PSMC3: variants seen among roughly 807,000 people sequenced by gnomAD.
PSMC3 encodes 26S proteasome regulatory subunit 6A.
PSMC3 carries 11 observed loss-of-function variants against 52.0 expected under a neutral mutation model. The ratio of observed to expected loss-of-function variants is 0.21; its 90% CI spans 0.13 to 0.35. PSMC3 has a LOEUF of 0.35. Ranked by LOEUF, PSMC3 falls within the 10% of genes least tolerant of loss-of-function variation. PSMC3 has a pLI of 1.00. For missense variants in PSMC3, 238 were observed against 567.1 expected, an observed-to-expected ratio of 0.42 and a Z score of 5.89; for synonymous variants, 201 against 218.8, an observed-to-expected ratio of 0.92 and a Z score of 0.72.
intron 2 of PSMC3, 181 bp downstream of exon 2, chr11:47,425,686 C>CCT: frequency 1.7e-6 from 1 of 588,200 alleles, no homozygotes; most frequent in South Asian, 2.3e-5. Context: ...CCCACCACCC[C>CCT]CTACCTGTCT....
rs748962337 is a variant in PSMC3 at position 47,424,102 on chromosome 11, C to T, written c.535G>A (p.Glu179Lys). The change falls in exon 6 of 12, where the codon GAG becomes AAG. Residue 179 changes from glutamate to lysine, a missense_variant. By Grantham distance (56) the Glu-to-Lys change is moderately conservative. Around this residue, in one of 6 missense-constraint regions of PSMC3, gnomAD observed 60 missense variants for 117.3 expected, o/e 0.51. Transcript: ENST00000298852. This position sits in a 1 kb window ranked among gnomAD's most constrained non-coding sequence, Gnocchi z 4.8. The stretch of plus-strand genomic sequence containing the variant: ...TCACTGTATTGCTCCGTGGGCCTCT[C>T]GTCTACCTCCATGGCCTTCACCCGC... ...DSRVKAMEVD[E>K]RPTEQYSDIG... is the part of the protein sequence containing the mutation. The T allele has an allele frequency of 1.2e-6, 2 of 1,614,186 alleles. No homozygotes were observed. Among genetic ancestry groups the T allele is most frequent in the Non-Finnish European group, 1.7e-6 (2 of 1,180,040 alleles).
Position 47,424,773 on chromosome 11 carries a change from T to C in PSMC3, c.286-62A>G, listed in dbSNP as rs2096044511. 7.2e-7 allele frequency: 1 copy of C among 1,398,048 alleles called. No homozygotes were observed. The highest frequency in any genetic ancestry group is 1.8e-4 in the Middle Eastern group (1 of 5,414). 86.6% of individuals were successfully genotyped at this position (1,398,048 alleles called of 1,614,324 possible). ...CAAGGCCCAGTGCTTCCTAAGACAG[T>C]TCCTAATACCTGCAGGGCTGGCCAT... On this transcript the variant is annotated intron_variant, in intron 3 of 11. Coordinates refer to ENST00000298852, the MANE Select transcript of PSMC3 (RefSeq NM_002804.5). The surrounding 1 kb of genome is among the most constrained non-coding windows in gnomAD (Gnocchi z 4.8).
chr11:47,424,420 C>T lies in PSMC3; in HGVS notation c.453+9G>A. On this transcript the variant is annotated intron_variant, in intron 5 of 11. Transcript: ENST00000298852. The surrounding 1 kb of genome is among the most constrained non-coding windows in gnomAD (Gnocchi z 4.8). ...AGAAAAGCACTGCCTGGGCTCAGGC[C>T]CCACTCACCACCAGGTCTCCTGGCT... is the stretch of plus-strand genomic sequence containing the variant. 6.2e-7 allele frequency: 1 copy of T among 1,613,884 alleles called. No individual in the cohort carries two copies. The highest frequency in any genetic ancestry group is 8.5e-7 in the Non-Finnish European group (1 of 1,179,764).
chr11:47,423,421 G>C (rs1447342218), intron 6 of PSMC3, among the ~76,000 whole-genome samples: 1 of 151,278 alleles, frequency 6.6e-6, no homozygotes, highest in Non-Finnish European at 1.5e-5. Context: ...AAAAAAAAGA[G>C]GACACAGAAC....
In PSMC3 at chr11:47,419,205, C is replaced by G; in HGVS notation, c.1128-8G>C. On this transcript the variant is annotated splice_polypyrimidine_tract_variant and splice_region_variant and intron_variant, in intron 10 of 11. Transcript: ENST00000298852. ...TCGTAGTTCACGTCAGGACTGGGGA[C>G]AGGACAGATACCACAGGCTCAGTGG... The G allele has an allele frequency of 6.2e-7, 1 of 1,614,046 alleles. No individual in the cohort carries two copies. The highest frequency in any genetic ancestry group is 8.5e-7 in the Non-Finnish European group (1 of 1,179,966).
rs969291404 is a variant in PSMC3 at position 47,422,366 on chromosome 11, T to G, written c.884+208A>C. 2.6e-5 allele frequency among the ~76,000 whole-genome samples: 4 copies of G among 152,122 alleles called. No individual in the cohort carries two copies. Reference sequence around the variant, plus strand: ...CCAGATTCCTGTTTTGAAAGGAACATGCTGGCAGCTGTGGGAATGAATGGC... The same window carrying G: ...CCAGATTCCTGTTTTGAAAGGAACAGGCTGGCAGCTGTGGGAATGAATGGC... On this transcript the variant is annotated intron_variant, in intron 8 of 11. Transcript: ENST00000298852. The surrounding 1 kb of genome is among the most constrained non-coding windows in gnomAD (Gnocchi z 4.3).
In PSMC3 at chr11:47,426,330, G is replaced by A; in HGVS notation, c.-51C>T. The A allele has an allele frequency of 7.0e-7, 1 of 1,437,586 alleles. No homozygotes were observed. The highest frequency in any genetic ancestry group is 9.5e-7 in the Non-Finnish European group (1 of 1,054,128). The allele number at this position is 1,437,586 out of a possible 1,614,324, so 89.1% of individuals were successfully genotyped here. On this transcript the variant is annotated 5_prime_UTR_variant, in exon 1 of 12. Transcript: ENST00000298852. ...GGACCAGGCGGGAGCCGCAACGGGA[G>A]ATTAATACCGTCTTTCTTAAAGCCT...
At chr11:47,420,780 C>T (rs1595891500) in intron 8 of PSMC3, 53 bp from the exon 9 acceptor site, 11 of 1,480,874 alleles carry the variant, frequency 7.4e-6, no homozygotes, top group Admixed American at 5.9e-5. Context: ...AGGCAGAGCC[C>T]TCCCCTCCTC....
Position 47,424,166 on chromosome 11 carries a change from G to A in PSMC3, c.471C>T (p.Ser157=), listed in dbSNP as rs776356223. The A allele has an allele frequency of 6.2e-7, 1 of 1,614,178 alleles. No individual in the cohort carries two copies. The highest frequency in any genetic ancestry group is 8.5e-7 in the Non-Finnish European group (1 of 1,180,030). The stretch of plus-strand genomic sequence containing the variant: ...TGGGCAGCGTCTCCAGGATCAGATA[G>A]GAGTCTTTGTTCACACCCTAAGGAC... ...PGDLVGVNKD[S]YLILETLPTE... is the part of the protein sequence containing the mutation. The change falls in exon 6 of 12, where the codon TCC becomes TCT. Residue 157 remains serine (S), a synonymous_variant. Coordinates refer to ENST00000298852, the MANE Select transcript of PSMC3 (RefSeq NM_002804.5). The surrounding 1 kb of genome is among the most constrained non-coding windows in gnomAD (Gnocchi z 4.8).
chr11:47,419,433 G>A (rs1315635637), intron 10 of PSMC3, among the ~76,000 whole-genome samples: 1 of 152,310 alleles, frequency 6.6e-6, no homozygotes, highest in South Asian at 2.1e-4. Flanking sequence ...TGGCCTTCTA[G>A]AAATCTGCAT....
intron 10 of PSMC3, 37 bp downstream of exon 10, chr11:47,420,227 G>C (rs754520302): frequency 8.1e-6 from 13 of 1,608,770 alleles, no homozygotes; most frequent in Non-Finnish European, 1.1e-5. Flanking sequence ...TCCTGCGCCT[G>C]TTCAGGTCTC....
At position 47,420,722 on chromosome 11, in the gene PSMC3, T is replaced by C; in HGVS notation, c.890A>G (p.Asp297Gly). Residue 297 changes from aspartate to glycine, a missense_variant, in exon 9 of 12, where the codon GAC (aspartate) becomes GGC (glycine). Physicochemically the swap from Asp to Gly is moderately conservative, Grantham distance 94 (BLOSUM62 -1). Coordinates refer to ENST00000298852, the MANE Select transcript of PSMC3 (RefSeq NM_002804.5). ...ELDAIGTKRF[D>G]SEKAGDREVQ... ...CTCCCGGTCCCCAGCCTTCTCACTG[T>C]CAAAGCTAGGGCACAGGAAGCCCGA... is the stretch of plus-strand genomic sequence containing the variant. 6.4e-7 allele frequency: 1 copy of C among 1,556,854 alleles called. No homozygotes were observed.
chr11:47,421,850 C>CCA (rs1235320182), intron 8 of PSMC3, among the ~76,000 whole-genome samples: 1 of 151,856 alleles, frequency 6.6e-6, no homozygotes, highest in African/African-American at 2.4e-5. Flanking sequence ...ATGTGTTTCA[C>CCA]CATGTTGGCC....
intron 10 of PSMC3, among the ~76,000 whole-genome samples, chr11:47,419,767 G>A (rs1049395627): frequency 3.9e-5 from 6 of 152,066 alleles, no homozygotes; most frequent in Non-Finnish European, 8.8e-5. Context: ...GCTGAGGCAG[G>A]AGAATGGCGT....
chr11:47,425,920 TC>T lies in PSMC3; in HGVS notation c.105del (p.Met36CysfsTer20), dbSNP rs2096045893. On this transcript the variant is annotated frameshift_variant, in exon 2 of 12. Transcript: ENST00000298852. LOFTEE classifies it high-confidence loss of function. Reference sequence around the variant, plus strand: ...CGCTGGATGATCTCCTCCGTGGACATCTTGAGCACCTCCTCCCCAATTCCAT... The same window carrying T: ...CGCTGGATGATCTCCTCCGTGGACATTTGAGCACCTCCTCCCCAATTCCAT... ...EQDGIGEEVLKMSTEEIIQRT... is the reference protein window; with the variant it reads ...EQDGIGEEVLXMSTEEIIQRT... The T allele has an allele frequency of 6.2e-7, 1 of 1,613,952 alleles. No homozygotes were observed. The highest frequency in any genetic ancestry group is 8.5e-7 in the Non-Finnish European group (1 of 1,179,890).
chr11:47,425,124 G>A lies in PSMC3; in HGVS notation c.282C>T (p.Ile94=), dbSNP rs1438069167. Reference sequence around the variant, plus strand: ...TCCCCTCCACATACACACACACCTCGATGACGTTGGAGACAAGGTACGGCA... The same window carrying A: ...TCCCCTCCACATACACACACACCTCAATGACGTTGGAGACAAGGTACGGCA... ...KTLPYLVSNV[I]ELLDVDPNDQ... Residue 94 remains isoleucine (I), a synonymous_variant, in exon 3 of 12, where the codon ATC becomes ATT. Coordinates refer to ENST00000298852, the MANE Select transcript of PSMC3 (RefSeq NM_002804.5). 3.1e-6 allele frequency: 5 copies of A among 1,613,928 alleles called. No homozygotes were observed. Among genetic ancestry groups the A allele is most frequent in the African/African-American group, 1.3e-5 (1 of 74,870 alleles).
intron 9 of PSMC3, 53 bp downstream of exon 9, chr11:47,420,578 C>G: frequency 6.5e-7 from 1 of 1,530,238 alleles, no homozygotes; most frequent in Non-Finnish European, 8.9e-7. Flanking sequence ...GGGGGCCTGA[C>G]AGCTCCTGAC....
At chr11:47,426,172 G>A (rs577328816) in intron 1 of PSMC3, 33 bp downstream of exon 1, 2 of 1,548,240 alleles carry the variant, frequency 1.3e-6, no homozygotes, top group Non-Finnish European at 1.7e-6. Context: ...TGCGGGCCCC[G>A]GTTCCCGGAC....
chr11:47,426,293 G>T lies in PSMC3; in HGVS notation c.-14C>A. 6 of 1,549,682 alleles carry T rather than the reference G, an allele frequency of 3.9e-6. No individual in the cohort carries two copies. The highest frequency in any genetic ancestry group is 5.2e-6 in the Non-Finnish European group (6 of 1,145,752). ...CAGCAGATTCATTTCCTGGAGGAGC[G>T]GGCAGAAGATGGGACCAGGCGGGAG... On this transcript the variant is annotated 5_prime_UTR_variant, in exon 1 of 12. Transcript: ENST00000298852.
Sources: gnomAD v4.1 joint callset for allele counts (sites outside exome capture counted in the v4.1 genomes callset) on GRCh38, gnomAD v4.1.1 for gene constraint, gnomAD v4.1.1 regional missense constraint, Gnocchi (gnomAD v3.1) non-coding constraint, MANE v1.5 for transcripts, NCBI Gene and HGNC (gene_info 2026-07-23, HGNC 2026-07-21) for gene names.